The following DGKI variants were observed in gnomAD, a reference collection of about 807,000 sequenced individuals.
The protein encoded by DGKI is diacylglycerol kinase iota.
DGKI carries 55 observed loss-of-function variants against 147.5 expected under a neutral mutation model. The ratio of observed to expected loss-of-function variants is 0.37; its 90% CI spans 0.30 to 0.47. The LOEUF (loss-of-function observed/expected upper bound fraction) is 0.47. Ranked by LOEUF, DGKI falls within the 20% of genes least tolerant of loss-of-function variation. DGKI has a pLI of 1.00. For missense variants in DGKI, 1,007 were observed against 1,323.8 expected (o/e 0.76, Z 3.71); for synonymous variants, 469 against 477.1 (o/e 0.98, Z 0.22).
chr7:137,688,093 G>A (rs1823481919), intron 2 of DGKI, among the ~76,000 whole-genome samples: 2 of 152,082 alleles, frequency 1.3e-5, no homozygotes, highest in Non-Finnish European at 2.9e-5. Context: ...CTTTTAAAAA[G>A]CATTTTCTGA....
chr7:137,547,096 C>CTTCAATGGCACAT (rs1377327053), intron 20 of DGKI, among the ~76,000 whole-genome samples: 1 of 152,132 alleles, frequency 6.6e-6, no homozygotes, highest in Non-Finnish European at 1.5e-5. Context: ...TTCTATTCTC[C>CTTCAATGGCACAT]TTCAATGGCA....
intron 30 of DGKI, among the ~76,000 whole-genome samples, chr7:137,401,874 C>A (rs1335335668): frequency 6.6e-6 from 1 of 152,206 alleles, no homozygotes; most frequent in East Asian, 1.9e-4. Context: ...TCTTCCAGAA[C>A]CCTAGATCAG....
At position 137,461,489 on chromosome 7, in the gene DGKI, A is replaced by C. The variant is rs529833803; in HGVS notation, c.2735+2000T>G. On this transcript the variant is annotated intron_variant, in intron 27 of 32. Transcript: ENST00000614521. ...AGGAAATAAAAAGATATTCTAAGAA[A>C]TAAATGGACATAATAATTTTAAAAG... Among the ~76,000 whole-genome samples, 15 of 152,354 alleles carry C rather than the reference A, an allele frequency of 9.8e-5. No homozygotes were observed. The East Asian group carries it at 2.5e-3, about 25-fold the overall frequency.
chr7:137,663,066 G>A (rs190056110), intron 3 of DGKI, among the ~76,000 whole-genome samples: 51 of 152,352 alleles, frequency 3.3e-4, no homozygotes, highest in Admixed American at 1.3e-3. Flanking sequence ...TCCTACATAA[G>A]AGAAGATTCC....
intron 1 of DGKI, among the ~76,000 whole-genome samples, chr7:137,792,407 CATTAAGCATCT>C (rs1796882427): frequency 6.6e-6 from 1 of 152,300 alleles, no homozygotes; most frequent in African/African-American, 2.4e-5. Context: ...TTCATCCATT[CATTAAGCATCT>C]ATTAAGCATC....
chr7:137,395,193 A>G (rs1270434497), intron 32 of DGKI, among the ~76,000 whole-genome samples: 1 of 152,228 alleles, frequency 6.6e-6, no homozygotes, highest in Non-Finnish European at 1.5e-5. Context: ...TATAAATCAT[A>G]GAATTTAAAA....
At chr7:137,638,269 A>G (rs1821400818) in intron 6 of DGKI, among the ~76,000 whole-genome samples, 1 of 147,848 alleles carries the variant, frequency 6.8e-6, no homozygotes, top group Admixed American at 6.7e-5. Context: ...CTCACCTTTC[A>G]CCTCTTCGTC....
rs539882355 is a variant in DGKI at position 137,423,168 on chromosome 7, T to C, written c.2762-10961A>G. On this transcript the variant is annotated intron_variant, in intron 28 of 32. Transcript: ENST00000614521. ...TATAATCCTGAGAGGGTAAGAGAAA[T>C]GGAAGAACTAATAAAGTCCTTATTT... Among the ~76,000 whole-genome samples, 30 of 152,290 alleles carry C rather than the reference T, an allele frequency of 2.0e-4. No homozygotes were observed. In the South Asian group the frequency reaches 6.2e-3, roughly 32 times the overall value.
chr7:137,678,894 T>C (rs148269154), intron 2 of DGKI, among the ~76,000 whole-genome samples: 9 of 152,340 alleles, frequency 5.9e-5, no homozygotes, highest in Middle Eastern at 6.8e-3. Context: ...GCTTTATCCA[T>C]GGAGGTGGAC....
intron 20 of DGKI, among the ~76,000 whole-genome samples, chr7:137,529,678 CT>C (rs1167649532): frequency 6.6e-6 from 1 of 152,186 alleles, no homozygotes; most frequent in African/African-American, 2.4e-5. Flanking sequence ...CACCTGTTTC[CT>C]TTTGTGGCAG....
chr7:137,638,574 ATG>A (rs1410380354), intron 6 of DGKI, among the ~76,000 whole-genome samples: 20 of 27,512 alleles, frequency 7.3e-4, no homozygotes, highest in East Asian at 1.3e-3. Context: ...ACACACATAT[ATG>A]TATATATACA....
intron 1 of DGKI, among the ~76,000 whole-genome samples, chr7:137,781,863 G>A (rs1796527774): frequency 6.6e-6 from 1 of 152,212 alleles, no homozygotes; most frequent in Non-Finnish European, 1.5e-5. Context: ...CCTACGAGTT[G>A]AGCATGGTCA....
intron 6 of DGKI, among the ~76,000 whole-genome samples, chr7:137,633,759 C>T (rs1040661716): frequency 3.3e-5 from 5 of 152,122 alleles, no homozygotes; most frequent in African/African-American, 1.2e-4. Flanking sequence ...TTTTTCCATC[C>T]CTCTCTGAAA....
At chr7:137,720,056 C>T (rs369837087) in intron 1 of DGKI, among the ~76,000 whole-genome samples, 1 of 152,090 alleles carries the variant, frequency 6.6e-6, no homozygotes, top group Admixed American at 6.5e-5. Flanking sequence ...ATTCTTCTTG[C>T]TTATAGTGTG....
In DGKI at chr7:137,690,003, C is replaced by A; in HGVS notation, c.402-1G>T. 1 of 1,593,746 alleles carries A rather than the reference C, an allele frequency of 6.3e-7. No individual in the cohort carries two copies. Among genetic ancestry groups the A allele is most frequent in the South Asian group, 1.1e-5 (1 of 88,114 alleles). ...GAGGCCTGCCCGGGAGATTGCTTTC[C>A]TGCAGCAAGAAGAAAAACAAAAACA... On this transcript the variant is annotated splice_acceptor_variant, in intron 1 of 32. Coordinates refer to ENST00000614521, the MANE Select transcript of DGKI (RefSeq NM_001321708.2). LOFTEE classifies it high-confidence loss of function.
chr7:137,544,767 C>T (rs1007963966), intron 20 of DGKI, among the ~76,000 whole-genome samples: 4 of 151,986 alleles, frequency 2.6e-5, no homozygotes, highest in South Asian at 2.1e-4. Context: ...GCTGGGAACA[C>T]AAGATTCATA....
intron 21 of DGKI, among the ~76,000 whole-genome samples, chr7:137,518,557 A>G (rs896402217): frequency 6.6e-6 from 1 of 152,070 alleles, no homozygotes; most frequent in East Asian, 1.9e-4. Flanking sequence ...TATACAACAA[A>G]TGTTAATTCC....
chr7:137,670,668 T>C (rs1358399670), intron 3 of DGKI, among the ~76,000 whole-genome samples: 2 of 152,196 alleles, frequency 1.3e-5, no homozygotes, highest in Admixed American at 6.5e-5. Flanking sequence ...ATCCTCAATA[T>C]CCTAATGGTG....
intron 29 of DGKI, among the ~76,000 whole-genome samples, chr7:137,408,576 T>G (rs1812049187): frequency 1.3e-5 from 2 of 152,200 alleles, no homozygotes; most frequent in Non-Finnish European, 2.9e-5. Flanking sequence ...GGCTTCCTTC[T>G]TCATCCAGAT....
Sources: gnomAD v4.1 joint callset for allele counts (sites outside exome capture counted in the v4.1 genomes callset) on GRCh38, gnomAD v4.1.1 for gene constraint, MANE v1.5 for transcripts, NCBI Gene and HGNC (gene_info 2026-07-23, HGNC 2026-07-21) for gene names.